ETV5: variants seen among roughly 807,000 people sequenced by gnomAD.
ETV5 encodes the protein ETS translocation variant 5.
Under a neutral mutation model 70.0 loss-of-function variants are expected in ETV5, and 10 were observed. The observed-to-expected ratio is 0.14, with a 90% confidence interval of 0.09 to 0.24. The LOEUF (loss-of-function observed/expected upper bound fraction) is 0.24, where lower values mean the gene tolerates loss of function less well. Ranked by LOEUF, ETV5 falls within the 10% of genes least tolerant of loss-of-function variation. The pLI, the probability that ETV5 is intolerant of heterozygous loss-of-function variation, is 1.00. For missense variants in ETV5, 453 were observed against 651.2 expected (o/e 0.70, Z 3.31); for synonymous variants, 216 against 242.2 (o/e 0.89, Z 1.01).
At chr3:186,108,097 C>A (rs1346696029) in intron 1 of ETV5, among the ~76,000 whole-genome samples, 1 of 151,920 alleles carries the variant, frequency 6.6e-6, no homozygotes, top group Non-Finnish European at 1.5e-5. Flanking sequence ...GGTGCGGCGC[C>A]CGGCGCTACC....
At chr3:186,049,257 T>A (rs1712963629) in intron 12 of ETV5, among the ~76,000 whole-genome samples, 1 of 152,192 alleles carries the variant, frequency 6.6e-6, no homozygotes, top group Admixed American at 6.5e-5. Flanking sequence ...GTCTTCACAG[T>A]ATGGCCTTGT....
chr3:186,067,574 T>C lies in ETV5; in HGVS notation c.651-1502A>G, dbSNP rs961107910. ...TTGCAGTGAGCCGAGATTGCGCCAC[T>C]GTACTCTAGCCTGGGCAACAGAGCA... On this transcript the variant is annotated intron_variant, in intron 7 of 12. Transcript: ENST00000306376. Among the ~76,000 whole-genome samples, 9 of 151,798 alleles carry C rather than the reference T, an allele frequency of 5.9e-5. No individual in the cohort carries two copies. In the East Asian group the frequency reaches 1.7e-3, roughly 29 times the overall value.
chr3:186,078,984 G>A (rs1713864785), intron 7 of ETV5: 1 of 930,848 alleles, frequency 1.1e-6, no homozygotes, highest in South Asian at 5.2e-5. Context: ...GCCCCATTGT[G>A]GCCCCCACAC....
rs530781686 is a variant in ETV5 at position 186,103,826 on chromosome 3, T to G, written c.232+1479A>C. Reference sequence around the variant, plus strand: ...AACCATGCATGTGTGTGTTCCAGTTTATTCCCTTTTACAGTTTCATGGCAT... The same window carrying G: ...AACCATGCATGTGTGTGTTCCAGTTGATTCCCTTTTACAGTTTCATGGCAT... On this transcript the variant is annotated intron_variant, in intron 5 of 12. Coordinates refer to ENST00000306376, the MANE Select transcript of ETV5 (RefSeq NM_004454.3). Among the ~76,000 whole-genome samples, 4 of 152,386 alleles carry G rather than the reference T, an allele frequency of 2.6e-5. No homozygotes were observed. The South Asian group carries it at 8.3e-4, about 32-fold the overall frequency.
rs1713895711 is a variant in ETV5, at chr3:186,080,099, T to C, written c.368A>G (p.Tyr123Cys). ...GEKCLYNYCA[Y>C]DRKPPSGFKP... ...GAACCCAGAGGGAGGCTTCCTATCA[T>C]AGGCACTGTAAACAGAAAAAGAGAA... Residue 123 changes from tyrosine (Y) to cysteine (C), a missense_variant, in exon 7 of 13, where the codon TAT becomes TGT. Tyr to Cys is a radical substitution (Grantham distance 194). This residue lies in a region of ETV5 where 307 missense variants were observed against 344.9 expected (regional missense o/e 0.89). Transcript: ENST00000306376. The C allele has an allele frequency of 2.7e-6, 4 of 1,481,074 alleles. No homozygotes were observed. The highest frequency in any genetic ancestry group is 3.6e-6 in the Non-Finnish European group (4 of 1,122,722). The allele number at this position is 1,481,074 out of a possible 1,614,324, so 91.7% of individuals were successfully genotyped here.
At chr3:186,084,258 T>C in intron 5 of ETV5, 1 of 423,104 alleles carries the variant, frequency 2.4e-6, no homozygotes, top group Non-Finnish European at 4.6e-6. Flanking sequence ...TCATGAACTC[T>C]TGAGGAAGTT....
At chr3:186,099,445 C>T (rs1356945836) in intron 5 of ETV5, among the ~76,000 whole-genome samples, 1 of 152,242 alleles carries the variant, frequency 6.6e-6, no homozygotes, top group Non-Finnish European at 1.5e-5. Context: ...CCTTGGATTC[C>T]AAGTGGAGAA....
chr3:186,057,405 T>C lies in ETV5; in HGVS notation c.1039+18A>G, dbSNP rs1486271543. On this transcript the variant is annotated intron_variant, in intron 10 of 12. Transcript: ENST00000306376. This position sits in a 1 kb window ranked among gnomAD's most constrained non-coding sequence, Gnocchi z 4.9. ...CCAAACCTCTACCTGGCAACAAACCTTGGATGGGGCTACTTACCTTCCAGT... is the reference window on the plus strand; with the variant it reads ...CCAAACCTCTACCTGGCAACAAACCCTGGATGGGGCTACTTACCTTCCAGT... 17 of 1,613,694 alleles carry C rather than the reference T, an allele frequency of 1.1e-5. No individual in the cohort carries two copies. Among genetic ancestry groups the C allele is most frequent in the Middle Eastern group, 1.6e-4 (1 of 6,084 alleles).
At chr3:186,097,296 A>C (rs1343803544) in intron 5 of ETV5, among the ~76,000 whole-genome samples, 1 of 152,222 alleles carries the variant, frequency 6.6e-6, no homozygotes, top group East Asian at 1.9e-4. Flanking sequence ...GTGGAAAATT[A>C]AACAGGAGTG....
In ETV5 at chr3:186,046,421, T is replaced by C. The variant is rs1712876952; in HGVS notation, c.*2218A>G. The C allele has an allele frequency of 4.3e-6, 1 of 230,144 alleles. No homozygotes were observed. Among genetic ancestry groups the C allele is most frequent in the African/African-American group, 2.2e-5 (1 of 45,142 alleles). The allele number at this position is 230,144 out of a possible 1,614,324, so 14.3% of individuals were successfully genotyped here. A position where few individuals can be genotyped will look rare whatever the true frequency, so the allele number is the denominator to read the frequency against. On this transcript the variant is annotated 3_prime_UTR_variant, in exon 13 of 13. Coordinates refer to ENST00000306376, the MANE Select transcript of ETV5 (RefSeq NM_004454.3). ...GCAGGGGAAAGTATTTCAAATCAGC[T>C]GGCAGGTTCAAGCCTTTCTGCACTG...
rs971990472 is a variant in ETV5 at position 186,052,316 on chromosome 3, A to T, written c.1210-185T>A. Among the ~76,000 whole-genome samples, 1 of 152,246 alleles carries T rather than the reference A, an allele frequency of 6.6e-6. No homozygotes were observed. The highest frequency in any genetic ancestry group is 1.5e-5 in the Non-Finnish European group (1 of 68,038). On this transcript the variant is annotated intron_variant, in intron 11 of 12. Transcript: ENST00000306376. This position sits in a 1 kb window ranked among gnomAD's most constrained non-coding sequence, Gnocchi z 4.5. ...ATTCAACAAAGGCGATGATTCAGTG[A>T]CAACTACTAGGAGGTGAGACCTAGA...
intron 7 of ETV5, among the ~76,000 whole-genome samples, chr3:186,069,498 GTTGTT>G: frequency 7.1e-6 from 1 of 140,716 alleles, no homozygotes; most frequent in South Asian, 2.3e-4. Flanking sequence ...GAGAGACGAA[GTTGTT>G]TTTTTTTTTT....
intron 12 of ETV5, among the ~76,000 whole-genome samples, chr3:186,050,259 G>A (rs1044232618): frequency 6.6e-6 from 1 of 152,116 alleles, no homozygotes; most frequent in Admixed American, 6.5e-5. Context: ...CTGAGCCCAC[G>A]AAGCCTCATT....
At chr3:186,064,553 T>A in intron 8 of ETV5, 77 bp from the exon 9 acceptor site, 2 of 1,433,688 alleles carry the variant, frequency 1.4e-6, no homozygotes, top group Non-Finnish European at 2.0e-6. Context: ...CAACTGCAGC[T>A]CTGTGGTAAA....
intron 5 of ETV5, among the ~76,000 whole-genome samples, chr3:186,101,069 T>C (rs925439797): frequency 1.3e-5 from 2 of 152,234 alleles, no homozygotes; most frequent in African/African-American, 4.8e-5. Context: ...TAGTTAGTTC[T>C]ATGAAAATGT....
intron 5 of ETV5, among the ~76,000 whole-genome samples, chr3:186,088,122 T>A (rs4686729): frequency 1.3e-5 from 2 of 152,162 alleles, no homozygotes; most frequent in East Asian, 3.9e-4. Flanking sequence ...TTGTCCCTTC[T>A]TCAGTTTCAT....
At chr3:186,089,976 G>T (rs1163993762) in intron 5 of ETV5, among the ~76,000 whole-genome samples, 1 of 152,182 alleles carries the variant, frequency 6.6e-6, no homozygotes. Flanking sequence ...ATGTTATAAT[G>T]CCTGAAACTT....
At chr3:186,068,712 T>C (rs1713515621) in intron 7 of ETV5, among the ~76,000 whole-genome samples, 1 of 152,154 alleles carries the variant, frequency 6.6e-6, no homozygotes, top group Non-Finnish European at 1.5e-5. Context: ...GCTCCTGAAA[T>C]GGTGAAATAC....
At chr3:186,104,338 A>C (rs1714536699) in intron 5 of ETV5, among the ~76,000 whole-genome samples, 1 of 152,172 alleles carries the variant, frequency 6.6e-6, no homozygotes, top group Non-Finnish European at 1.5e-5. Context: ...CAGTGTTGAA[A>C]GCCATCTTTT....
Sources: gnomAD v4.1 joint callset for allele counts (sites outside exome capture counted in the v4.1 genomes callset) on GRCh38, gnomAD v4.1.1 for gene constraint, gnomAD v4.1.1 regional missense constraint, Gnocchi (gnomAD v3.1) non-coding constraint, MANE v1.5 for transcripts, NCBI Gene and HGNC (gene_info 2026-07-23, HGNC 2026-07-21) for gene names.